The following GTF3C1 variants were observed in gnomAD, a reference collection of about 807,000 sequenced individuals.
The protein encoded by GTF3C1 is general transcription factor IIIC subunit 1, also known as general transcription factor 3C polypeptide 1.
Under a neutral mutation model 226.7 loss-of-function variants are expected in GTF3C1, and 57 were observed. That is an observed-to-expected ratio of 0.25 (90% CI 0.20 to 0.31). The LOEUF (loss-of-function observed/expected upper bound fraction) is 0.31. Ranked by LOEUF, GTF3C1 falls within the 10% of genes least tolerant of loss-of-function variation. GTF3C1 has a pLI of 1.00. For synonymous variants in GTF3C1, 1,090 were observed against 1,084.8 expected (o/e 1.00, Z -0.09); for missense variants, 2,217 against 2,776.1 (o/e 0.80, Z 4.53).
At chr16:27,483,250 GC>G in intron 25 of GTF3C1, 125 bp from the exon 26 acceptor site, 1 of 865,504 alleles carries the variant, frequency 1.2e-6, no homozygotes, top group Non-Finnish European at 1.9e-6. Flanking sequence ...TTACTTATAT[GC>G]CTGTTGCACA....
Position 27,469,663 on chromosome 16 carries a change from A to G in GTF3C1, c.4815-113T>C. ...CTGGGCTTCAGCAGTGGCCCCAGCA[A>G]CTGGCTATGCTTCATTACCAAGGCT... On this transcript the variant is annotated intron_variant, in intron 31 of 36. Transcript: ENST00000356183. The surrounding 1 kb of genome is among the most constrained non-coding windows in gnomAD (Gnocchi z 4.5). 1 of 1,172,870 alleles carries G rather than the reference A, an allele frequency of 8.5e-7. No homozygotes were observed. The highest frequency in any genetic ancestry group is 1.2e-6 in the Non-Finnish European group (1 of 816,928). 72.7% of individuals were successfully genotyped at this position (1,172,870 alleles called of 1,614,324 possible). A position where few individuals can be genotyped will look rare whatever the true frequency, so the allele number is the denominator to read the frequency against.
chr16:27,502,927 T>G lies in GTF3C1; in HGVS notation c.1839A>C (p.Arg613=). 6.2e-7 allele frequency: 1 copy of G among 1,613,586 alleles called. No individual in the cohort carries two copies. Among genetic ancestry groups the G allele is most frequent in the Non-Finnish European group, 8.5e-7 (1 of 1,179,688 alleles). ...TGATCAGATTCCTGCGTTTCAGCAGTCGGTAAGTTTCGTGTGGTTTGTCTT... is the reference window on the plus strand; with the variant it reads ...TGATCAGATTCCTGCGTTTCAGCAGGCGGTAAGTTTCGTGTGGTTTGTCTT... The part of the protein sequence containing the change: ...SGQDKPHETY[R]LLKRRNLIIE... The change falls in exon 11 of 37, where the codon CGA becomes CGC. Residue 613 remains arginine, a synonymous_variant. Transcript: ENST00000356183.
intron 6 of GTF3C1, among the ~76,000 whole-genome samples, chr16:27,526,258 T>G (rs537088964): frequency 6.6e-5 from 10 of 152,352 alleles, no homozygotes; most frequent in African/African-American, 2.4e-4. Context: ...TTTGGGAAGC[T>G]ACTGGAGGAT....
At chr16:27,524,258 G>T (rs1441727478) in intron 6 of GTF3C1, among the ~76,000 whole-genome samples, 1 of 152,238 alleles carries the variant, frequency 6.6e-6, no homozygotes, top group African/African-American at 2.4e-5. Context: ...TTTCCTAATT[G>T]TATTTTTATA....
At chr16:27,522,741 T>C (rs573927296) in intron 6 of GTF3C1, among the ~76,000 whole-genome samples, 19 of 152,380 alleles carry the variant, frequency 1.2e-4, no homozygotes, top group African/African-American at 4.3e-4. Flanking sequence ...GAACCTGGGA[T>C]GTTTTCCATT....
Position 27,470,720 on chromosome 16 carries a change from G to A in GTF3C1, c.4527-325C>T, listed in dbSNP as rs2087854766. On this transcript the variant is annotated intron_variant, in intron 30 of 36. Transcript: ENST00000356183. This position sits in a 1 kb window ranked among gnomAD's most constrained non-coding sequence, Gnocchi z 4.9. ...CACTGTACACAGCTGCTGAACTAGG[G>A]ATGGTGAACACGCTTTCTGTAATAA... 1 of 328,438 alleles carries A rather than the reference G, an allele frequency of 3.0e-6. No homozygotes were observed. The highest frequency in any genetic ancestry group is 6.7e-5 in the East Asian group (1 of 14,844). The allele number at this position is 328,438 out of a possible 1,614,324, so 20.3% of individuals were successfully genotyped here.
At position 27,489,622 on chromosome 16, in the gene GTF3C1, G is replaced by A. The variant is rs770653050; in HGVS notation, c.3273C>T (p.Cys1091=). 6.6e-5 allele frequency: 107 copies of A among 1,609,532 alleles called. No individual in the cohort carries two copies. Among genetic ancestry groups the A allele is most frequent in the Non-Finnish European group, 7.8e-5 (92 of 1,178,946 alleles). The part of the protein sequence containing the change: ...AMDKHNLERK[C]AMLEYTTGSR... ...CGCACGTGGTGTACTCCAGCATGGC[G>A]CACTTGCGCTCCAGGTTGTGCTTGT... The change falls in exon 20 of 37, where the codon TGC becomes TGT. Residue 1091 remains cysteine (C), a synonymous_variant. Transcript: ENST00000356183.
rs780979453 is a variant in GTF3C1 at position 27,489,030 on chromosome 16, G to A, written c.3429+13C>T. On this transcript the variant is annotated intron_variant, in intron 21 of 36. Coordinates refer to ENST00000356183, the MANE Select transcript of GTF3C1 (RefSeq NM_001520.4). ...GACCCCTGAGATTGTAGTCCGGTGTGACGCACACCCACCTTTTTGGCCTGG... is the reference window on the plus strand; with the variant it reads ...GACCCCTGAGATTGTAGTCCGGTGTAACGCACACCCACCTTTTTGGCCTGG... 6.2e-7 allele frequency: 1 copy of A among 1,612,740 alleles called. No homozygotes were observed. Among genetic ancestry groups the A allele is most frequent in the South Asian group, 1.1e-5 (1 of 91,040 alleles).
chr16:27,549,649 C>T (rs1037896028), intron 1 of GTF3C1, 21 bp downstream of exon 1: 5 of 1,339,396 alleles, frequency 3.7e-6, no homozygotes, highest in African/African-American at 1.5e-5. Flanking sequence ...GCCCGCCCGC[C>T]AGGCCAGGCC....
chr16:27,465,403 C>A lies in GTF3C1; in HGVS notation c.5212G>T (p.Asp1738Tyr). ...AAGATCTCCAAGGCAGCAGTCAGGT[C>A]TTCGGGACTATACCCAGACAGCTCC... ...QLELSGYSPE[D>Y]LTAALEILEA... The change falls in exon 33 of 37, where the codon GAC becomes TAC. Residue 1738 changes from aspartate (D) to tyrosine (Y), a missense_variant. By Grantham distance (160) the Asp-to-Tyr change is radical. Transcript: ENST00000356183. 6.2e-7 allele frequency: 1 copy of A among 1,614,156 alleles called. No homozygotes were observed. Among genetic ancestry groups the A allele is most frequent in the Non-Finnish European group, 8.5e-7 (1 of 1,180,020 alleles).
At chr16:27,535,739 A>G (rs146195599) in intron 4 of GTF3C1, among the ~76,000 whole-genome samples, 2 of 152,168 alleles carry the variant, frequency 1.3e-5, no homozygotes, top group African/African-American at 4.8e-5. Flanking sequence ...AAAACACAAA[A>G]TTAGCTGGGC....
intron 2 of GTF3C1, among the ~76,000 whole-genome samples, chr16:27,540,983 G>C (rs1045586169): frequency 6.6e-6 from 1 of 152,140 alleles, no homozygotes; most frequent in African/African-American, 2.4e-5. Context: ...TGGGATTACA[G>C]ACACTTGCCA....
intron 32 of GTF3C1, among the ~76,000 whole-genome samples, chr16:27,468,854 T>C (rs1331384196): frequency 6.6e-6 from 1 of 152,242 alleles, no homozygotes; most frequent in Non-Finnish European, 1.5e-5. Context: ...GGAATACTTA[T>C]CTTTCCTAGC....
At chr16:27,528,007 C>T (rs920296629) in intron 6 of GTF3C1, among the ~76,000 whole-genome samples, 3 of 150,840 alleles carry the variant, frequency 2.0e-5, no homozygotes. Flanking sequence ...AGTGTGGTGG[C>T]TCACGCTTAT....
chr16:27,545,455 A>G lies in GTF3C1; in HGVS notation c.290T>C (p.Val97Ala), dbSNP rs761522769. ...SRRDPVALED[V>A]YPIHMILENK... is the part of the protein sequence containing the mutation. ...CTCTAAGATCATATGAATGGGGTAGACATCCTCCAAAGCCACCGGGTCCCT... is the reference window on the plus strand; with the variant it reads ...CTCTAAGATCATATGAATGGGGTAGGCATCCTCCAAAGCCACCGGGTCCCT... The change falls in exon 2 of 37, where the codon GTC becomes GCC. Residue 97 changes from valine (V) to alanine (A), a missense_variant. Physicochemically the swap from Val to Ala is moderately conservative, Grantham distance 64. Coordinates refer to ENST00000356183, the MANE Select transcript of GTF3C1 (RefSeq NM_001520.4). 1 of 1,612,216 alleles carries G rather than the reference A, an allele frequency of 6.2e-7. No individual in the cohort carries two copies. Among genetic ancestry groups the G allele is most frequent in the Admixed American group, 1.7e-5 (1 of 60,024 alleles).
chr16:27,518,324 A>G (rs1244560164), intron 6 of GTF3C1, among the ~76,000 whole-genome samples: 1 of 152,212 alleles, frequency 6.6e-6, no homozygotes. Context: ...TGGGCTCTGG[A>G]GTCAGTCTGT....
chr16:27,526,777 A>G (rs2088840001), intron 6 of GTF3C1, among the ~76,000 whole-genome samples: 2 of 152,242 alleles, frequency 1.3e-5, no homozygotes, highest in Admixed American at 1.3e-4. Flanking sequence ...TTTCATCACT[A>G]TGGTGAAGTT....
At position 27,465,240 on chromosome 16, in the gene GTF3C1, T is replaced by TA; in HGVS notation, c.5355+19dup. 1.2e-6 allele frequency: 2 copies of TA among 1,611,258 alleles called. No homozygotes were observed. Among genetic ancestry groups the TA allele is most frequent in the Non-Finnish European group, 1.7e-6 (2 of 1,177,558 alleles). ...AATTTCCGCTTCGGTGATATCCGGC[T>TA]AACCTAAAGCACAGCTCACCTGGAT... On this transcript the variant is annotated intron_variant, in intron 33 of 36. Transcript: ENST00000356183.
intron 11 of GTF3C1, among the ~76,000 whole-genome samples, chr16:27,502,292 C>T (rs1265225974): frequency 6.6e-6 from 1 of 152,074 alleles, no homozygotes; most frequent in African/African-American, 2.4e-5. Flanking sequence ...CTCCTCCTCA[C>T]CGAGTGGCTC....
Sources: allele counts gnomAD v4.1 joint callset (sites outside exome capture counted in the v4.1 genomes callset), GRCh38; gene constraint gnomAD v4.1.1; non-coding constraint Gnocchi (gnomAD v3.1); transcripts MANE v1.5; gene names NCBI Gene and HGNC (gene_info 2026-07-23, HGNC 2026-07-21).